HTR3B: variants seen among roughly 807,000 people sequenced by gnomAD.
HTR3B encodes the protein 5-hydroxytryptamine (serotonin) receptor 3B, ionotropic.
A neutral mutation model predicts 42.8 loss-of-function variants in HTR3B; 44 were observed. The ratio of observed to expected loss-of-function variants is 1.03; its 90% CI spans 0.81 to 1.32. The LOEUF (loss-of-function observed/expected upper bound fraction) is 1.32, where lower values mean the gene tolerates loss of function less well. Among genes scored for constraint, HTR3B ranks in the 40% most tolerant of loss-of-function variants. The pLI, the probability that HTR3B is intolerant of heterozygous loss-of-function variation, is 0.00. For missense variants in HTR3B, 527 were observed against 536.5 expected (o/e 0.98, Z 0.17); for synonymous variants, 203 against 209.0 (o/e 0.97, Z 0.25).
intron 2 of HTR3B, among the ~76,000 whole-genome samples, chr11:113,920,400 G>T (rs183228226): frequency 6.7e-6 from 1 of 150,276 alleles, no homozygotes; most frequent in African/African-American, 2.5e-5. Context: ...TTTTGAGATG[G>T]AGACTCACTC....
rs775898796 is a variant in HTR3B, at chr11:113,944,597, C to T, written c.932C>T (p.Ala311Val). 1.2e-6 allele frequency: 2 copies of T among 1,614,142 alleles called. No individual in the cohort carries two copies. The highest frequency in any genetic ancestry group is 2.2e-5 in the East Asian group (1 of 44,878). ...GGGCACTTCTTCACCATCTGCATGG[C>T]CTTCTTGGTTCTCAGCTTAGCTAAG... is the stretch of plus-strand genomic sequence containing the variant. ...LIGHFFTICM[A>V]FLVLSLAKSI... is the part of the protein sequence containing the mutation. The change falls in exon 8 of 9, where the codon GCC (alanine) becomes GTC (valine). Residue 311 changes from alanine (A) to valine (V), a missense_variant. By Grantham distance (64) the Ala-to-Val change is moderately conservative (BLOSUM62 0). Transcript: ENST00000260191.
At chr11:113,917,176 A>C (rs1300040123) in intron 2 of HTR3B, among the ~76,000 whole-genome samples, 2 of 149,176 alleles carry the variant, frequency 1.3e-5, no homozygotes, top group African/African-American at 2.5e-5. Context: ...CTTGTCCCCC[A>C]GGCTGGAGTG....
At chr11:113,918,756 A>G (rs970597518) in intron 2 of HTR3B, among the ~76,000 whole-genome samples, 5 of 151,188 alleles carry the variant, frequency 3.3e-5, no homozygotes, top group Non-Finnish European at 7.4e-5. Flanking sequence ...TTCTGGGTTT[A>G]AGCAATTCTC....
At chr11:113,932,870 G>A (rs1029453719) in intron 5 of HTR3B, 66 bp from the exon 6 acceptor site, 14 of 1,536,940 alleles carry the variant, frequency 9.1e-6, no homozygotes, top group Non-Finnish European at 1.2e-5. Context: ...ATTGGGAGCT[G>A]GAAAAGTGGG....
intron 2 of HTR3B, among the ~76,000 whole-genome samples, chr11:113,917,140 T>C (rs1949862159): frequency 6.6e-6 from 1 of 151,942 alleles, no homozygotes; most frequent in Non-Finnish European, 1.5e-5. Context: ...CTTCTATTTT[T>C]TTTTTTTTTG....
intron 1 of HTR3B, among the ~76,000 whole-genome samples, chr11:113,906,543 A>G (rs936179120): frequency 1.3e-5 from 2 of 152,218 alleles, no homozygotes; most frequent in Non-Finnish European, 1.5e-5. Context: ...TGCAGAAAAT[A>G]CCACTGGCTA....
chr11:113,912,329 C>T (rs546252065), intron 2 of HTR3B, among the ~76,000 whole-genome samples: 1 of 152,016 alleles, frequency 6.6e-6, no homozygotes, highest in South Asian at 2.1e-4. Context: ...CTGCAAGCTC[C>T]GCCTCCCGGG....
chr11:113,941,951 T>C (rs1391522977), intron 6 of HTR3B, among the ~76,000 whole-genome samples: 1 of 152,216 alleles, frequency 6.6e-6, no homozygotes, highest in Non-Finnish European at 1.5e-5. Context: ...ACCTTGCAGA[T>C]AGTCTCATTT....
intron 6 of HTR3B, among the ~76,000 whole-genome samples, chr11:113,939,934 T>A (rs1436091850): frequency 6.6e-6 from 1 of 150,394 alleles, no homozygotes; most frequent in Non-Finnish European, 1.5e-5. Flanking sequence ...TTGCCCAGGC[T>A]GGAGTGCAAT....
At chr11:113,915,379 A>T (rs1949842293) in intron 2 of HTR3B, among the ~76,000 whole-genome samples, 1 of 152,210 alleles carries the variant, frequency 6.6e-6, no homozygotes, top group African/African-American at 2.4e-5. Flanking sequence ...AGACAGACAG[A>T]GTCTCTGGGA....
chr11:113,901,651 A>G (rs1347625013), upstream of HTR3B, among the ~76,000 whole-genome samples: 1 of 152,170 alleles, frequency 6.6e-6, no homozygotes, highest in African/African-American at 2.4e-5. Flanking sequence ...GCCAATAAAG[A>G]GCCATAATGG....
intron 8 of HTR3B, among the ~76,000 whole-genome samples, 154 bp downstream of exon 8, chr11:113,944,909 G>T (rs1950165197): frequency 6.6e-6 from 1 of 152,138 alleles, no homozygotes; most frequent in South Asian, 2.1e-4. Flanking sequence ...TTATCTCTCT[G>T]GAGACTGAAG....
intron 8 of HTR3B, 50 bp from the exon 9 acceptor site, chr11:113,945,852 G>T (rs1469838085): frequency 7.7e-7 from 1 of 1,296,592 alleles, no homozygotes. Flanking sequence ...AAGTCCAGGT[G>T]GGTCTTGGTA....
intron 2 of HTR3B, among the ~76,000 whole-genome samples, chr11:113,919,482 G>A (rs1240243964): frequency 6.6e-6 from 1 of 151,912 alleles, no homozygotes; most frequent in Non-Finnish European, 1.5e-5. Context: ...TGATTTTTTG[G>A]GACTGAGAAT....
intron 6 of HTR3B, among the ~76,000 whole-genome samples, chr11:113,942,494 A>G (rs1950144242): frequency 6.6e-6 from 1 of 152,240 alleles, no homozygotes; most frequent in Admixed American, 6.5e-5. Context: ...ATATTGCATA[A>G]TAAGTGGTTT....
chr11:113,945,915 T>C lies in HTR3B; in HGVS notation c.1104T>C (p.Tyr368=), dbSNP rs1270954444. Reference sequence around the variant, plus strand: ...TCCATCACACAGAGTCCTCGCTGTATGGAGAGCACCTGGCCCAGCCAGGAA... The same window carrying C: ...TCCATCACACAGAGTCCTCGCTGTACGGAGAGCACCTGGCCCAGCCAGGAA... ...QRAVVTESSL[Y]GEHLAQPGTL... The change falls in exon 9 of 9, where the codon TAT becomes TAC. Residue 368 remains tyrosine, a synonymous_variant. Transcript: ENST00000260191. 1.6e-5 allele frequency: 26 copies of C among 1,613,992 alleles called. No homozygotes were observed. The highest frequency in any genetic ancestry group is 2.2e-5 in the Non-Finnish European group (26 of 1,179,852).
intron 2 of HTR3B, among the ~76,000 whole-genome samples, chr11:113,912,336 C>A (rs945101082): frequency 6.6e-6 from 1 of 152,106 alleles, no homozygotes; most frequent in Non-Finnish European, 1.5e-5. Flanking sequence ...CTCCGCCTCC[C>A]GGGTTCACGC....
At chr11:113,931,967 C>T (rs769548977) in intron 4 of HTR3B, 100 bp downstream of exon 4, 1 of 773,792 alleles carries the variant, frequency 1.3e-6, no homozygotes, top group Non-Finnish European at 2.3e-6. Flanking sequence ...TTTTGCTTCT[C>T]AAGTTGAAGG....
intron 2 of HTR3B, among the ~76,000 whole-genome samples, chr11:113,920,318 G>A (rs1020627748): frequency 1.3e-5 from 2 of 151,924 alleles, no homozygotes; most frequent in Non-Finnish European, 2.9e-5. Context: ...GTGAGCCACC[G>A]CGCCTGGCCC....
Sources: allele counts gnomAD v4.1 joint callset (sites outside exome capture counted in the v4.1 genomes callset), GRCh38; gene constraint gnomAD v4.1.1; transcripts MANE v1.5; gene names NCBI Gene and HGNC (gene_info 2026-07-23, HGNC 2026-07-21).